The following COL24A1 variants were observed in gnomAD, a reference collection of about 807,000 sequenced individuals.
COL24A1 encodes collagen type XXIV alpha 1 chain, also known as collagen alpha-1(XXIV) chain.
COL24A1 carries 224 observed loss-of-function variants against 253.9 expected under a neutral mutation model. The ratio of observed to expected loss-of-function variants is 0.88; its 90% CI spans 0.79 to 0.99. COL24A1 has a LOEUF of 0.99. Ranked by LOEUF, COL24A1 falls within the 50% of genes least tolerant of loss-of-function variation. The pLI, the probability that COL24A1 is intolerant of heterozygous loss-of-function variation, is 0.00. For missense variants in COL24A1, 2,131 were observed against 2,068.5 expected (o/e 1.03, Z -0.59); for synonymous variants, 685 against 673.7 (o/e 1.02, Z -0.26).
intron 26 of COL24A1, among the ~76,000 whole-genome samples, chr1:85,909,373 A>C (rs1485651812): frequency 1.3e-5 from 2 of 151,874 alleles, no homozygotes; most frequent in Non-Finnish European, 3.0e-5. Flanking sequence ...TTTATTGATA[A>C]TAATTATTCA....
chr1:85,745,613 A>T, intron 55 of COL24A1, 107 bp from the exon 56 acceptor site: 2 of 742,126 alleles, frequency 2.7e-6, no homozygotes, highest in African/African-American at 1.8e-5. Flanking sequence ...TACCAGACTT[A>T]TTATCTGAAG....
intron 37 of COL24A1, among the ~76,000 whole-genome samples, chr1:85,859,310 A>G (rs111999974): frequency 9.2e-5 from 14 of 152,208 alleles, no homozygotes; most frequent in Non-Finnish European, 2.1e-4. Context: ...GTAAGAAAAT[A>G]ACATTTTAAA....
chr1:86,017,115 T>G, intron 19 of COL24A1, 36 bp downstream of exon 19: 1 of 1,560,718 alleles, frequency 6.4e-7, no homozygotes, highest in Non-Finnish European at 8.7e-7. Context: ...TCCACCATTT[T>G]GTTTCAAATT....
chr1:86,012,252 C>T (rs941582106), intron 19 of COL24A1, among the ~76,000 whole-genome samples: 47 of 152,260 alleles, frequency 3.1e-4, no homozygotes, highest in African/African-American at 1.1e-3. Context: ...ACTATTCATT[C>T]AAATAAGTTC....
At chr1:85,800,091 G>A (rs1284890605) in intron 47 of COL24A1, among the ~76,000 whole-genome samples, 1 of 152,166 alleles carries the variant, frequency 6.6e-6, no homozygotes, top group African/African-American at 2.4e-5. Flanking sequence ...CTTAGGAAGA[G>A]GAGCTAGAAT....
intron 24 of COL24A1, among the ~76,000 whole-genome samples, chr1:85,956,145 A>G (rs1690445896): frequency 6.6e-6 from 1 of 152,250 alleles, no homozygotes; most frequent in Admixed American, 6.5e-5. Context: ...TGGATACATT[A>G]CATAACTTCA....
At chr1:85,860,944 T>G (rs1679079935) in intron 37 of COL24A1, among the ~76,000 whole-genome samples, 1 of 152,326 alleles carries the variant, frequency 6.6e-6, no homozygotes, top group African/African-American at 2.4e-5. Flanking sequence ...ACTTTTTCGC[T>G]CTTATAAATC....
intron 53 of COL24A1, among the ~76,000 whole-genome samples, chr1:85,764,700 A>G (rs1262167709): frequency 3.9e-5 from 6 of 152,206 alleles, no homozygotes; most frequent in African/African-American, 1.4e-4. Flanking sequence ...GGTCTAGTGA[A>G]GATAATCTCC....
intron 33 of COL24A1, among the ~76,000 whole-genome samples, chr1:85,875,660 A>T (rs889082136): frequency 2.0e-5 from 3 of 150,252 alleles, no homozygotes; most frequent in African/African-American, 7.5e-5. Context: ...ACTTTTCCTT[A>T]TTGGTTTCAT....
chr1:85,962,550 T>C (rs1380149404), intron 23 of COL24A1, among the ~76,000 whole-genome samples: 3 of 152,136 alleles, frequency 2.0e-5, no homozygotes, highest in Admixed American at 6.6e-5. Context: ...AATCCAAACA[T>C]TAATGATTTC....
At position 85,819,425 on chromosome 1, in the gene COL24A1, C is replaced by T. The variant is rs12091583; in HGVS notation, c.3790-1338G>A. Among the ~76,000 whole-genome samples the T allele has an allele frequency of 5.9e-5, 9 of 151,666 alleles. No homozygotes were observed. The East Asian group carries it at 9.7e-4, about 16-fold the overall frequency. On this transcript the variant is annotated intron_variant, in intron 45 of 59. Coordinates refer to ENST00000370571, the MANE Select transcript of COL24A1 (RefSeq NM_152890.7). ...CTTTACAGTATTTCTTTTTATGCAA[C>T]GAGATATATCTGTTCTATACTTTTG...
At chr1:85,775,650 A>C in intron 53 of COL24A1, 24 bp downstream of exon 53, 1 of 1,598,674 alleles carries the variant, frequency 6.3e-7, no homozygotes, top group Middle Eastern at 1.7e-4. Context: ...GGGTTACTAT[A>C]ATCACAAATT....
rs1006506457 is a variant in COL24A1, at chr1:85,893,654, C to T, written c.2922+2204G>A. ...TTGTATAGGAAACAGTGTTGGTCCA[C>T]GGACAAATATACTTTTACTAGTTAT... is the stretch of plus-strand genomic sequence containing the variant. On this transcript the variant is annotated intron_variant, in intron 31 of 59. Transcript: ENST00000370571. Among the ~76,000 whole-genome samples, 13 of 152,216 alleles carry T rather than the reference C, an allele frequency of 8.5e-5. No individual in the cohort carries two copies. The East Asian group carries it at 9.6e-4, about 11-fold the overall frequency.
At chr1:86,119,507 AC>A (rs1273856491) in intron 3 of COL24A1, among the ~76,000 whole-genome samples, 1 of 152,162 alleles carries the variant, frequency 6.6e-6, no homozygotes, top group Admixed American at 6.5e-5. Context: ...GTGAGAGGGG[AC>A]AAAAGACAAG....
intron 37 of COL24A1, among the ~76,000 whole-genome samples, chr1:85,857,474 G>A (rs200698761): frequency 4.3e-3 from 488 of 113,896 alleles, no homozygotes; most frequent in South Asian, 5.1e-3. Flanking sequence ...AAAAAAAAAA[G>A]AAAAAAAAAA....
intron 24 of COL24A1, among the ~76,000 whole-genome samples, chr1:85,929,922 G>A (rs1467997711): frequency 3.0e-4 from 26 of 86,146 alleles, no homozygotes; most frequent in Admixed American, 1.2e-3. Flanking sequence ...TCTCTGGGAC[G>A]CATTCAAAGC....
At chr1:86,055,768 A>G (rs1472093114) in intron 10 of COL24A1, among the ~76,000 whole-genome samples, 1 of 152,190 alleles carries the variant, frequency 6.6e-6, no homozygotes, top group Non-Finnish European at 1.5e-5. Flanking sequence ...ATAAATAATG[A>G]GATAAGAAAA....
intron 24 of COL24A1, 131 bp downstream of exon 24, chr1:85,961,118 G>T: frequency 1.4e-6 from 1 of 701,036 alleles, no homozygotes; most frequent in Non-Finnish European, 2.5e-6. Flanking sequence ...TCACAAGTAA[G>T]TTTAAATTTG....
At chr1:86,047,691 TTTA>T (rs1456916316) in intron 11 of COL24A1, among the ~76,000 whole-genome samples, 1 of 151,962 alleles carries the variant, frequency 6.6e-6, no homozygotes, top group Non-Finnish European at 1.5e-5. Context: ...TGTAAAACCA[TTTA>T]TTAAAATTTT....
Sources: allele counts gnomAD v4.1 joint callset (sites outside exome capture counted in the v4.1 genomes callset), GRCh38; gene constraint gnomAD v4.1.1; transcripts MANE v1.5; gene names NCBI Gene and HGNC (gene_info 2026-07-23, HGNC 2026-07-21).